COL27A1: variants seen among roughly 807,000 people sequenced by gnomAD.
The protein encoded by COL27A1 is collagen alpha-1(XXVII) chain.
In COL27A1, 106 loss-of-function variants were observed where a neutral mutation model predicts 251.3. The ratio of observed to expected loss-of-function variants is 0.42; its 90% CI spans 0.36 to 0.50. The LOEUF is 0.50. COL27A1 is among the 20% of genes least tolerant of loss of function. The pLI, the probability that COL27A1 is intolerant of heterozygous loss-of-function variation, is 0.00. For missense variants in COL27A1, 2,325 were observed against 2,522.8 expected, an observed-to-expected ratio of 0.92 and a Z score of 1.68; for synonymous variants, 1,000 against 986.3, an observed-to-expected ratio of 1.01 and a Z score of -0.26.
Position 114,162,744 on chromosome 9 carries a change from C to G in COL27A1, c.92C>G (p.Ser31Trp). 1.2e-6 allele frequency: 2 copies of G among 1,613,058 alleles called. No homozygotes were observed. The highest frequency in any genetic ancestry group is 1.7e-6 in the Non-Finnish European group (2 of 1,179,724). Reference sequence around the variant, plus strand: ...TTTCTCTTCTCCTGGATCTTAGTCTCGTTTGCCTGTCACCTGGCCTCCACC... The same window carrying G: ...TTTCTCTTCTCCTGGATCTTAGTCTGGTTTGCCTGTCACCTGGCCTCCACC... The part of the protein sequence containing the change: ...GGFLFSWILV[S>W]FACHLASTQG... Residue 31 changes from serine (S) to tryptophan (W), a missense_variant, in exon 2 of 61, where the codon TCG (serine) becomes TGG (tryptophan). Physicochemically the swap from Ser to Trp is radical, Grantham distance 177. Coordinates refer to ENST00000356083, the MANE Select transcript of COL27A1 (RefSeq NM_032888.4).
chr9:114,261,547 C>A (rs556663179), intron 28 of COL27A1, among the ~76,000 whole-genome samples: 2 of 152,328 alleles, frequency 1.3e-5, no homozygotes, highest in East Asian at 1.9e-4. Flanking sequence ...ACTGCCTCCT[C>A]CTCTCTCTTA....
At chr9:114,307,598 CCA>C (rs1199893098) in intron 58 of COL27A1, 69 bp from the exon 59 acceptor site, 1 of 1,047,112 alleles carries the variant, frequency 9.6e-7, no homozygotes, top group Non-Finnish European at 1.5e-6. Context: ...GATGCAGGGT[CCA>C]TCTACAGAAC....
intron 20 of COL27A1, 34 bp from the exon 21 acceptor site, chr9:114,240,400 C>T (rs1259191760): frequency 6.2e-7 from 1 of 1,611,258 alleles, no homozygotes; most frequent in Non-Finnish European, 8.5e-7. Flanking sequence ...GAGGTACCGC[C>T]TCTGAGACTC....
At chr9:114,309,598 T>A (rs1829308771) in intron 60 of COL27A1, 120 bp downstream of exon 60, 1 of 729,212 alleles carries the variant, frequency 1.4e-6, no homozygotes, top group Non-Finnish European at 2.2e-6. Context: ...ACTATATTAA[T>A]GTGATAGATA....
chr9:114,286,243 T>C (rs775428544), intron 41 of COL27A1, among the ~76,000 whole-genome samples: 2 of 152,140 alleles, frequency 1.3e-5, no homozygotes, highest in African/African-American at 4.8e-5. Context: ...GGGTGACCCA[T>C]TGAGCACACG....
In COL27A1 at chr9:114,269,263, C is replaced by T. The variant is rs139237104; in HGVS notation, c.3524C>T (p.Thr1175Ile). ...TAGGGTGACCTTGGACCCCTGGGCACTCCTGGGGAGCAGGGCCTCATTGGG... is the reference window on the plus strand; with the variant it reads ...TAGGGTGACCTTGGACCCCTGGGCATTCCTGGGGAGCAGGGCCTCATTGGG... ...GMKGDLGPLG[T>I]PGEQGLIGQR... The change falls in exon 35 of 61, where the codon ACT (threonine) becomes ATT (isoleucine). Residue 1175 changes from threonine to isoleucine, a missense_variant. By Grantham distance (89) the Thr-to-Ile change is moderately conservative. Transcript: ENST00000356083. 6.2e-7 allele frequency: 1 copy of T among 1,607,652 alleles called. No individual in the cohort carries two copies.
At chr9:114,270,469 C>A (rs757331664) in intron 35 of COL27A1, among the ~76,000 whole-genome samples, 4 of 152,222 alleles carry the variant, frequency 2.6e-5, no homozygotes, top group Non-Finnish European at 5.9e-5. Flanking sequence ...CCACGTCACC[C>A]TGCAGAGGGA....
chr9:114,195,022 G>A (rs1829017275), intron 6 of COL27A1, among the ~76,000 whole-genome samples: 1 of 152,156 alleles, frequency 6.6e-6, no homozygotes, highest in Admixed American at 6.5e-5. Context: ...ACTGAGCAAG[G>A]GACTTGGAGG....
chr9:114,300,041 C>T lies in COL27A1; in HGVS notation c.4585-29C>T, dbSNP rs77055438. On this transcript the variant is annotated intron_variant, in intron 49 of 60. Transcript: ENST00000356083. ...GGGACACGCTGACCATGAGCTCACT[C>T]GCTCCATCACTTCCTGTTCTTCCTG... 3.4e-4 allele frequency: 544 copies of T among 1,613,252 alleles called. 1 individual carries two copies. The African/African-American group carries it at 6.3e-3, about 19-fold the overall frequency.
chr9:114,300,550 A>C, intron 50 of COL27A1, 75 bp from the exon 51 acceptor site: 2 of 1,245,456 alleles, frequency 1.6e-6, no homozygotes, highest in Non-Finnish European at 2.2e-6. Flanking sequence ...GACAGACCCC[A>C]GGGGTGAGGG....
chr9:114,194,556 G>A (rs1588631539), intron 6 of COL27A1, 99 bp downstream of exon 6: 1 of 1,052,020 alleles, frequency 9.5e-7, no homozygotes, highest in East Asian at 2.4e-5. Flanking sequence ...GGCCATGCAT[G>A]GCAAAGGCAG....
In COL27A1 at chr9:114,311,159, C is replaced by G. The variant is rs1396372794; in HGVS notation, c.*464C>G. ...GAAGTGTATATATATATTATTTAAACAAACAAAAAGAAGGTGCGTTACTAT... is the reference window on the plus strand; with the variant it reads ...GAAGTGTATATATATATTATTTAAAGAAACAAAAAGAAGGTGCGTTACTAT... On this transcript the variant is annotated 3_prime_UTR_variant, in exon 61 of 61. Coordinates refer to ENST00000356083, the MANE Select transcript of COL27A1 (RefSeq NM_032888.4). 2.6e-5 allele frequency: 4 copies of G among 152,268 alleles called. No homozygotes were observed. Among genetic ancestry groups the G allele is most frequent in the African/African-American group, 9.7e-5 (4 of 41,332 alleles). The allele number at this position is 152,268 out of a possible 1,614,324, so 9.4% of individuals were successfully genotyped here. A position where few individuals can be genotyped will look rare whatever the true frequency, so the allele number is the denominator to read the frequency against.
Position 114,169,409 on chromosome 9 carries a change from G to A in COL27A1, c.1854G>A (p.Thr618=), listed in dbSNP as rs114789352. The A allele has an allele frequency of 7.3e-4, 1,168 of 1,593,514 alleles. 11 individuals are homozygous for A. In the African/African-American group the frequency reaches 0.012, roughly 17 times the overall value. The change falls in exon 3 of 61, where the codon ACG becomes ACA. Residue 618 remains threonine, a synonymous_variant. Transcript: ENST00000356083. ...CGATCTTCCACCTGGCAGGATCTAC[G>A]CCTTTCCCTCTGCTGATGGGGCCTC... ...GYSIFHLAGS[T]PFPLLMGPPG... is the part of the protein sequence containing the mutation.
At chr9:114,261,637 T>C (rs1035443182) in intron 28 of COL27A1, among the ~76,000 whole-genome samples, 2 of 152,196 alleles carry the variant, frequency 1.3e-5, no homozygotes, top group Non-Finnish European at 2.9e-5. Context: ...TTTTAGATAT[T>C]GTCTTCTCCA....
intron 14 of COL27A1, among the ~76,000 whole-genome samples, chr9:114,228,300 C>T (rs936889849): frequency 6.6e-6 from 1 of 152,248 alleles, no homozygotes; most frequent in African/African-American, 2.4e-5. Context: ...GCTGGCGGCC[C>T]CTCTGCCTGC....
intron 10 of COL27A1, among the ~76,000 whole-genome samples, chr9:114,208,373 C>T (rs1039322520): frequency 7.9e-5 from 12 of 152,178 alleles, no homozygotes; most frequent in Middle Eastern, 3.4e-3. Flanking sequence ...CGCTTGAACC[C>T]GGTAAGCAGA....
At chr9:114,230,140 G>T (rs1487118933) in intron 14 of COL27A1, among the ~76,000 whole-genome samples, 2 of 152,196 alleles carry the variant, frequency 1.3e-5, no homozygotes, top group Non-Finnish European at 2.9e-5. Flanking sequence ...CACAATGAGT[G>T]AGTCCCAGAG....
chr9:114,280,021 A>G (rs1472321132), intron 37 of COL27A1, among the ~76,000 whole-genome samples: 1 of 152,180 alleles, frequency 6.6e-6, no homozygotes, highest in Non-Finnish European at 1.5e-5. Flanking sequence ...TAGCATACTC[A>G]ATTCAGATGT....
intron 15 of COL27A1, among the ~76,000 whole-genome samples, chr9:114,231,582 C>A (rs1265596585): frequency 6.6e-6 from 1 of 152,220 alleles, no homozygotes; most frequent in Non-Finnish European, 1.5e-5. Flanking sequence ...CTTCCCTCCC[C>A]ACCAGTTCCT....
Sources: allele counts gnomAD v4.1 joint callset (sites outside exome capture counted in the v4.1 genomes callset), GRCh38; gene constraint gnomAD v4.1.1; transcripts MANE v1.5; gene names NCBI Gene and HGNC (gene_info 2026-07-23, HGNC 2026-07-21).